Variants in CTNNA3 observed in about 807,000 individuals in gnomAD.
CTNNA3 encodes catenin alpha-3.
In CTNNA3, 76 loss-of-function variants were observed where a neutral mutation model predicts 95.7. The ratio of observed to expected loss-of-function variants is 0.79; its 90% CI spans 0.66 to 0.96. CTNNA3 has a LOEUF of 0.96. Ranked by LOEUF, CTNNA3 falls within the 40% of genes least tolerant of loss-of-function variation. The probability of loss-of-function intolerance (pLI) is 0.00; values close to 1 mark genes in which losing one functional copy is unlikely to be tolerated. For synonymous variants in CTNNA3, 431 were observed against 374.4 expected (o/e 1.15, Z -1.74); for missense variants, 1,191 against 1,089.8 (o/e 1.09, Z -1.31).
At chr10:66,219,578 C>T (rs971273595) in intron 13 of CTNNA3, among the ~76,000 whole-genome samples, 1 of 152,002 alleles carries the variant, frequency 6.6e-6, no homozygotes, top group African/African-American at 2.4e-5. Flanking sequence ...TCTTAACAGC[C>T]ACATGAGAAA....
At chr10:66,744,734 CT>C (rs1279576762) in intron 9 of CTNNA3, among the ~76,000 whole-genome samples, 2 of 152,100 alleles carry the variant, frequency 1.3e-5, no homozygotes, top group African/African-American at 4.8e-5. Context: ...ATCCATACCC[CT>C]AAAATAAAAT....
intron 10 of CTNNA3, among the ~76,000 whole-genome samples, chr10:66,568,000 A>G (rs1033061912): frequency 7.2e-5 from 11 of 152,220 alleles, no homozygotes; most frequent in Non-Finnish European, 1.3e-4. Flanking sequence ...GTGTTCAAAC[A>G]TGTATACTTC....
intron 10 of CTNNA3, among the ~76,000 whole-genome samples, chr10:66,582,062 T>C (rs1425044814): frequency 6.6e-6 from 1 of 151,928 alleles, no homozygotes; most frequent in Non-Finnish European, 1.5e-5. Flanking sequence ...TAGTAAAATT[T>C]CAAGTTAGGT....
chr10:66,330,611 G>A (rs1422285924), intron 12 of CTNNA3, among the ~76,000 whole-genome samples: 3 of 152,000 alleles, frequency 2.0e-5, no homozygotes, highest in Admixed American at 6.5e-5. Flanking sequence ...GGGTCAAATG[G>A]TATTTCTAGT....
chr10:66,988,996 A>G (rs748411701), intron 7 of CTNNA3, among the ~76,000 whole-genome samples: 3 of 149,470 alleles, frequency 2.0e-5, no homozygotes, highest in Non-Finnish European at 4.4e-5. Context: ...GTTTCCTCTC[A>G]CTTAAAAAAA....
chr10:67,641,877 A>C (rs1458747267), intron 2 of CTNNA3, among the ~76,000 whole-genome samples: 2 of 152,182 alleles, frequency 1.3e-5, no homozygotes, highest in African/African-American at 2.4e-5. Flanking sequence ...GGGAGCGGGG[A>C]GTGATAGCAT....
chr10:66,075,036 A>G (rs2080522607), intron 14 of CTNNA3, among the ~76,000 whole-genome samples: 1 of 151,772 alleles, frequency 6.6e-6, no homozygotes, highest in Admixed American at 6.6e-5. Context: ...TTGCCTCTAC[A>G]CAGATCTTAG....
At position 66,926,774 on chromosome 10, in the gene CTNNA3, C is replaced by A. The variant is rs1450127990; in HGVS notation, c.1048-151250G>T. The A allele has an allele frequency of 4.2e-6, 4 of 960,454 alleles. No homozygotes were observed. The East Asian group carries it at 1.1e-4, about 25-fold the overall frequency. 59.5% of individuals were successfully genotyped at this position (960,454 alleles called of 1,614,324 possible). Reference sequence around the variant, plus strand: ...AAAAAACAAAACACTAAAGACAATTCTCTTTAATTACAAAGAGATAATATG... The same window carrying A: ...AAAAAACAAAACACTAAAGACAATTATCTTTAATTACAAAGAGATAATATG... On this transcript the variant is annotated intron_variant, in intron 7 of 17. Transcript: ENST00000433211.
intron 13 of CTNNA3, among the ~76,000 whole-genome samples, chr10:66,158,148 C>T (rs2084644293): frequency 6.6e-6 from 1 of 152,082 alleles, no homozygotes; most frequent in African/African-American, 2.4e-5. Context: ...TTTGGCCGTG[C>T]AAAAGCTCTT....
chr10:67,280,736 A>G (rs1474644105), intron 5 of CTNNA3, among the ~76,000 whole-genome samples: 1 of 152,106 alleles, frequency 6.6e-6, no homozygotes, highest in Non-Finnish European at 1.5e-5. Flanking sequence ...TGCCTCCTGC[A>G]TTTATCACTG....
intron 5 of CTNNA3, among the ~76,000 whole-genome samples, chr10:67,505,716 A>C (rs185182771): frequency 6.6e-6 from 1 of 152,348 alleles, no homozygotes; most frequent in Admixed American, 6.5e-5. Context: ...TCAGCTGTTA[A>C]TGCTGTGTGG....
At chr10:67,395,778 C>T (rs1403424873) in intron 5 of CTNNA3, among the ~76,000 whole-genome samples, 2 of 152,108 alleles carry the variant, frequency 1.3e-5, no homozygotes, top group Non-Finnish European at 2.9e-5. Flanking sequence ...TTCCATTAAT[C>T]CCACTATCCA....
chr10:66,300,892 A>G (rs1000741200), intron 12 of CTNNA3, among the ~76,000 whole-genome samples: 2 of 152,018 alleles, frequency 1.3e-5, no homozygotes, highest in African/African-American at 4.8e-5. Context: ...ATCAAAAGCT[A>G]GTTATCTGAA....
chr10:67,206,418 T>C (rs921229486), intron 6 of CTNNA3, among the ~76,000 whole-genome samples: 13 of 152,160 alleles, frequency 8.5e-5, no homozygotes, highest in Admixed American at 8.5e-4. Context: ...GGATATATTG[T>C]TTTAAATTAT....
intron 11 of CTNNA3, among the ~76,000 whole-genome samples, chr10:66,445,328 G>A (rs1309897833): frequency 6.6e-6 from 1 of 151,984 alleles, no homozygotes; most frequent in Non-Finnish European, 1.5e-5. Context: ...AGACCTAATA[G>A]ACATCTACAG....
At chr10:67,012,500 C>A (rs1057332090) in intron 7 of CTNNA3, 1 of 151,926 alleles carries the variant, frequency 6.6e-6, no homozygotes, top group Non-Finnish European at 1.5e-5. Flanking sequence ...TGATGAAAAC[C>A]TTTGTTATTC....
intron 9 of CTNNA3, among the ~76,000 whole-genome samples, chr10:66,662,695 C>T (rs1445685707): frequency 1.3e-5 from 2 of 152,046 alleles, no homozygotes; most frequent in African/African-American, 2.4e-5. Context: ...TTGTTGTCTG[C>T]TTCCCTCCTT....
At chr10:66,336,995 C>G (rs1398871348) in intron 12 of CTNNA3, among the ~76,000 whole-genome samples, 3 of 151,968 alleles carry the variant, frequency 2.0e-5, no homozygotes. Flanking sequence ...ACTGCAGAAG[C>G]AGAGAGGAAA....
At chr10:67,715,751 A>C (rs1841138833) in intron 1 of CTNNA3, among the ~76,000 whole-genome samples, 1 of 152,210 alleles carries the variant, frequency 6.6e-6, no homozygotes, top group Non-Finnish European at 1.5e-5. Context: ...TTCAAAAGAT[A>C]TTTTAGCCCC....
Sources: gnomAD v4.1 joint callset for allele counts (sites outside exome capture counted in the v4.1 genomes callset) on GRCh38, gnomAD v4.1.1 for gene constraint, MANE v1.5 for transcripts, NCBI Gene and HGNC (gene_info 2026-07-23, HGNC 2026-07-21) for gene names.